FANCC: variants seen among roughly 807,000 people sequenced by gnomAD.
FANCC encodes Fanconi anemia group C protein.
Under a neutral mutation model 71.3 loss-of-function variants are expected in FANCC, and 55 were observed. That is an observed-to-expected ratio of 0.77 (90% confidence interval 0.62 to 0.97). The LOEUF (loss-of-function observed/expected upper bound fraction) is 0.97. Ranked by LOEUF, FANCC falls within the 50% of genes least tolerant of loss-of-function variation. The pLI, the probability that FANCC is intolerant of heterozygous loss-of-function variation, is 0.00. For missense variants in FANCC, 678 were observed against 670.9 expected (o/e 1.01, Z -0.12); for synonymous variants, 275 against 244.9 (o/e 1.12, Z -1.15).
chr9:95,302,306 G>C (rs1834795545), intron 1 of FANCC, among the ~76,000 whole-genome samples: 1 of 152,156 alleles, frequency 6.6e-6, no homozygotes, highest in Non-Finnish European at 1.5e-5. Flanking sequence ...AAGAAAAACG[G>C]AAAGGTCTGA....
At chr9:95,214,352 A>G (rs932892705) in intron 4 of FANCC, among the ~76,000 whole-genome samples, 8 of 152,184 alleles carry the variant, frequency 5.3e-5, no homozygotes, top group Admixed American at 1.3e-4. Flanking sequence ...AGATCGGTTG[A>G]GCCCAGGAGT....
At chr9:95,308,770 T>TA (rs1398382588) in intron 1 of FANCC, among the ~76,000 whole-genome samples, 1 of 152,174 alleles carries the variant, frequency 6.6e-6, no homozygotes, top group Non-Finnish European at 1.5e-5. Context: ...TAAATGAAGA[T>TA]ACCTGAAACT....
rs587779905 is a variant in FANCC, at chr9:95,172,098, G to C, written c.395C>G (p.Ala132Gly). Residue 132 changes from alanine to glycine, a missense_variant, in exon 5 of 15, where the codon GCT becomes GGT. Coordinates refer to ENST00000289081, the MANE Select transcript of FANCC (RefSeq NM_000136.3). ...LSALRFDKEV[A>G]LFTQGLGYAP... ...ATACCCAAGACCTTGAGTGAAAAGA[G>C]CAACTTCTTTATCAAATCTGAGTGC... 2.7e-5 allele frequency: 43 copies of C among 1,613,198 alleles called. No homozygotes were observed. The highest frequency in any genetic ancestry group is 1.6e-4 in the Middle Eastern group (1 of 6,080).
At chr9:95,301,704 G>A (rs1165027949) in intron 1 of FANCC, among the ~76,000 whole-genome samples, 2 of 152,028 alleles carry the variant, frequency 1.3e-5, no homozygotes, top group East Asian at 3.9e-4. Context: ...GCCATGCCCT[G>A]CCTGGGATTT....
intron 6 of FANCC, among the ~76,000 whole-genome samples, chr9:95,168,102 T>C (rs530316638): frequency 1.3e-5 from 2 of 152,176 alleles, no homozygotes; most frequent in African/African-American, 2.4e-5. Flanking sequence ...GCTCCTAATC[T>C]TCCCCTCCCC....
At chr9:95,242,613 T>C (rs1299338381) in intron 3 of FANCC, among the ~76,000 whole-genome samples, 1 of 152,100 alleles carries the variant, frequency 6.6e-6, no homozygotes, top group Non-Finnish European at 1.5e-5. Context: ...AAAGGTATAT[T>C]ATTTTTTATT....
chr9:95,151,787 G>T (rs1327085792), intron 6 of FANCC, among the ~76,000 whole-genome samples: 1 of 152,058 alleles, frequency 6.6e-6, no homozygotes, highest in Non-Finnish European at 1.5e-5. Context: ...AATTAGCCAG[G>T]TGTGGTGGCT....
chr9:95,145,307 C>T (rs552739366), intron 7 of FANCC: 1 of 152,218 alleles, frequency 6.6e-6, no homozygotes, highest in East Asian at 1.9e-4. Context: ...ACAAATACAA[C>T]AAAACATTAG....
At chr9:95,278,058 A>C in intron 1 of FANCC, among the ~76,000 whole-genome samples, 1 of 152,250 alleles carries the variant, frequency 6.6e-6, no homozygotes, top group Non-Finnish European at 1.5e-5. Context: ...TGTTGGGCCT[A>C]TAACATATAG....
At chr9:95,258,905 CAGAG>C (rs914608848) in intron 1 of FANCC, among the ~76,000 whole-genome samples, 1 of 152,152 alleles carries the variant, frequency 6.6e-6, no homozygotes, top group Non-Finnish European at 1.5e-5. Context: ...AACAGACAAA[CAGAG>C]AGCCAAATCA....
intron 1 of FANCC, among the ~76,000 whole-genome samples, chr9:95,288,526 A>G (rs1039469491): frequency 1.2e-4 from 19 of 152,170 alleles, no homozygotes; most frequent in African/African-American, 3.9e-4. Context: ...TTTGTGTTTT[A>G]TATGGATTTA....
At chr9:95,263,304 G>A (rs900948820) in intron 1 of FANCC, among the ~76,000 whole-genome samples, 15 of 151,988 alleles carry the variant, frequency 9.9e-5, no homozygotes, top group African/African-American at 3.6e-4. Flanking sequence ...TCTTTGTTAA[G>A]AGTTTTGTCC....
chr9:95,300,502 G>A (rs915127784), intron 1 of FANCC, among the ~76,000 whole-genome samples: 8 of 151,332 alleles, frequency 5.3e-5, no homozygotes, highest in African/African-American at 1.9e-4. Flanking sequence ...CCAGGCTGGA[G>A]TGCAGTGGCA....
chr9:95,246,114 C>A (rs562692843), intron 3 of FANCC, among the ~76,000 whole-genome samples: 1 of 152,242 alleles, frequency 6.6e-6, no homozygotes, highest in Admixed American at 6.5e-5. Flanking sequence ...AAACACTGAC[C>A]TAACTGCAAT....
intron 4 of FANCC, among the ~76,000 whole-genome samples, chr9:95,230,437 T>G (rs980613794): frequency 6.6e-6 from 1 of 152,128 alleles, no homozygotes; most frequent in African/African-American, 2.4e-5. Context: ...TTTAACCTTA[T>G]TGTGTCCGGA....
At chr9:95,295,932 T>C (rs755789138) in intron 1 of FANCC, among the ~76,000 whole-genome samples, 1 of 152,230 alleles carries the variant, frequency 6.6e-6, no homozygotes, top group Non-Finnish European at 1.5e-5. Context: ...TATTATGCTG[T>C]ATAGTAAAAA....
intron 1 of FANCC, among the ~76,000 whole-genome samples, chr9:95,304,771 AAAAAG>A (rs1313967915): frequency 6.6e-6 from 1 of 151,162 alleles, no homozygotes; most frequent in South Asian, 2.1e-4. Context: ...AAAAAAAAAA[AAAAAG>A]GGAAAACAGA....
intron 11 of FANCC, among the ~76,000 whole-genome samples, chr9:95,116,064 T>G (rs1391022014): frequency 2.0e-5 from 3 of 152,238 alleles, no homozygotes; most frequent in Admixed American, 2.0e-4. Flanking sequence ...GCCACCTATT[T>G]ATATTTGGAC....
intron 7 of FANCC, among the ~76,000 whole-genome samples, chr9:95,143,177 A>T (rs963182591): frequency 3.3e-5 from 5 of 152,244 alleles, no homozygotes; most frequent in African/African-American, 1.2e-4. Context: ...ATTCAGGAAC[A>T]GCCACATGGA....
Sources: gnomAD v4.1 joint callset for allele counts (sites outside exome capture counted in the v4.1 genomes callset) on GRCh38, gnomAD v4.1.1 for gene constraint, MANE v1.5 for transcripts, NCBI Gene and HGNC (gene_info 2026-07-23, HGNC 2026-07-21) for gene names.